Variants in KIF21A observed in about 807,000 individuals in gnomAD.
The protein encoded by KIF21A is kinesin-like protein KIF21A.
Under a neutral mutation model 202.9 loss-of-function variants are expected in KIF21A, and 114 were observed. That is an observed-to-expected ratio of 0.56 (90% confidence interval 0.48 to 0.66). The LOEUF is 0.66. Ranked by LOEUF, KIF21A falls within the 30% of genes least tolerant of loss-of-function variation. The pLI, the probability that KIF21A is intolerant of heterozygous loss-of-function variation, is 0.00. For missense variants in KIF21A, 1,677 were observed against 1,994.9 expected (o/e 0.84, Z 3.04); for synonymous variants, 667 against 670.8 (o/e 0.99, Z 0.09).
At chr12:39,328,395 GGA>G (rs996308058) in intron 24 of KIF21A, among the ~76,000 whole-genome samples, 8 of 152,054 alleles carry the variant, frequency 5.3e-5, no homozygotes, top group Non-Finnish European at 1.2e-4. Context: ...CTTATCGTAG[GGA>G]GAGAGATACA....
chr12:39,332,703 A>G lies in KIF21A; in HGVS notation c.2744T>C (p.Ile915Thr), dbSNP rs886049344. Reference sequence around the variant, plus strand: ...CCACTTCATGCGAGCTGTCTTGGAAATAAACACTCGGCCAGTCAATCCTTT... The same window carrying G: ...CCACTTCATGCGAGCTGTCTTGGAAGTAAACACTCGGCCAGTCAATCCTTT... Reference protein sequence around the residue: ...QRKGLTGRVFISKTARMKWQL... With the variant: ...QRKGLTGRVFTSKTARMKWQL... The change falls in exon 20 of 38, where the codon ATT becomes ACT. Residue 915 changes from isoleucine to threonine, a missense_variant. Around this residue, in one of 3 missense-constraint regions of KIF21A, gnomAD observed 966 missense variants for 1,180.9 expected, o/e 0.82. Coordinates refer to ENST00000361418, the MANE Select transcript of KIF21A (RefSeq NM_001173464.2). 18 of 1,614,038 alleles carry G rather than the reference A, an allele frequency of 1.1e-5. No individual in the cohort carries two copies. The highest frequency in any genetic ancestry group is 1.4e-5 in the Non-Finnish European group (16 of 1,180,028).
At chr12:39,331,637 A>G in intron 22 of KIF21A, 53 bp downstream of exon 22, 1 of 1,136,620 alleles carries the variant, frequency 8.8e-7, no homozygotes. Context: ...AAATAAAACT[A>G]CAATGAATTA....
chr12:39,379,775 C>CAGTGGCTA (rs1349608400), intron 1 of KIF21A, among the ~76,000 whole-genome samples: 2 of 152,220 alleles, frequency 1.3e-5, no homozygotes, highest in Non-Finnish European at 2.9e-5. Flanking sequence ...ACTTCTTATA[C>CAGTGGCTA]CATAGCCAGT....
At chr12:39,363,852 T>C (rs1949419349) in intron 6 of KIF21A, among the ~76,000 whole-genome samples, 1 of 152,150 alleles carries the variant, frequency 6.6e-6, no homozygotes, top group South Asian at 2.1e-4. Context: ...ACCCCATCTC[T>C]ACTGAAAATA....
intron 1 of KIF21A, among the ~76,000 whole-genome samples, chr12:39,372,794 T>G (rs1024673604): frequency 2.6e-5 from 4 of 152,144 alleles, no homozygotes; most frequent in Non-Finnish European, 5.9e-5. Flanking sequence ...TCCTACCACA[T>G]TACTTTTTAC....
intron 1 of KIF21A, among the ~76,000 whole-genome samples, chr12:39,397,584 C>T (rs573768514): frequency 6.6e-6 from 1 of 152,228 alleles, no homozygotes; most frequent in Non-Finnish European, 1.5e-5. Flanking sequence ...GTAGTACTGA[C>T]ATATTCCTAT....
At chr12:39,436,820 T>C (rs1329279173) in intron 1 of KIF21A, among the ~76,000 whole-genome samples, 1 of 152,090 alleles carries the variant, frequency 6.6e-6, no homozygotes, top group Admixed American at 6.6e-5. Context: ...AGTTAATCCA[T>C]TGGGAAACCA....
In KIF21A at chr12:39,370,164, C is replaced by T. The variant is rs1181921264; in HGVS notation, c.142G>A (p.Ala48Thr). 6.2e-7 allele frequency: 1 copy of T among 1,613,490 alleles called. No individual in the cohort carries two copies. The highest frequency in any genetic ancestry group is 1.7e-5 in the Admixed American group (1 of 59,974). ...TCAAATACATAGTCAAAAGTAAAAG[C>T]CTTATCTTTCCCTAGGAAGACCTGA... Reference protein sequence around the residue: ...EPQVFLGKDKAFTFDYVFDID... With the variant: ...EPQVFLGKDKTFTFDYVFDID... Residue 48 changes from alanine to threonine, a missense_variant, in exon 2 of 38, where the codon GCT (alanine) becomes ACT (threonine). Coordinates refer to ENST00000361418, the MANE Select transcript of KIF21A (RefSeq NM_001173464.2).
chr12:39,438,967 C>G lies in KIF21A; in HGVS notation c.44+3960G>C, dbSNP rs1325591585. Among the ~76,000 whole-genome samples the G allele has an allele frequency of 2.0e-5, 3 of 152,114 alleles. No individual in the cohort carries two copies. The East Asian group carries it at 5.8e-4, about 29-fold the overall frequency. On this transcript the variant is annotated intron_variant, in intron 1 of 37. Coordinates refer to ENST00000361418, the MANE Select transcript of KIF21A (RefSeq NM_001173464.2). Reference sequence around the variant, plus strand: ...AGATTCTACATTGTACTTTATTGTTCATTTTTGTTGGCGACATCTATCTAA... The same window carrying G: ...AGATTCTACATTGTACTTTATTGTTGATTTTTGTTGGCGACATCTATCTAA...
At chr12:39,424,014 G>T (rs11834263) in intron 1 of KIF21A, among the ~76,000 whole-genome samples, 63 of 137,036 alleles carry the variant, frequency 4.6e-4, no homozygotes, top group African/African-American at 1.7e-3. Flanking sequence ...AAAAAAAAAG[G>T]CAGTCAGAAG....
chr12:39,372,597 T>C (rs183601649), intron 1 of KIF21A, among the ~76,000 whole-genome samples: 8 of 152,304 alleles, frequency 5.3e-5, no homozygotes, highest in Admixed American at 3.9e-4. Context: ...GGAAATCATA[T>C]TGTGTACTGT....
chr12:39,297,615 T>C lies in KIF21A; in HGVS notation c.4932-3098A>G, dbSNP rs1027391658. Reference sequence around the variant, plus strand: ...GGTGGGGGGGTGGGGAGGGATAGCATTGGGAGATATACCTAATGCTAGATG... The same window carrying C: ...GGTGGGGGGGTGGGGAGGGATAGCACTGGGAGATATACCTAATGCTAGATG... On this transcript the variant is annotated intron_variant, in intron 37 of 37. Transcript: ENST00000361418. Among the ~76,000 whole-genome samples, 7 of 149,552 alleles carry C rather than the reference T, an allele frequency of 4.7e-5. 1 individual carries two copies. The highest frequency in any genetic ancestry group is 2.0e-4 in the Admixed American group (3 of 14,994).
intron 11 of KIF21A, among the ~76,000 whole-genome samples, chr12:39,346,820 T>A (rs548457519): frequency 6.6e-6 from 1 of 151,900 alleles, no homozygotes; most frequent in Non-Finnish European, 1.5e-5. Context: ...GATGCCTTTT[T>A]TTTAGTCTGA....
intron 1 of KIF21A, among the ~76,000 whole-genome samples, chr12:39,383,997 A>T (rs1039124626): frequency 1.3e-5 from 2 of 152,262 alleles, no homozygotes; most frequent in Middle Eastern, 3.4e-3. Flanking sequence ...TCAGGTGATG[A>T]TGCTGATGCT....
At chr12:39,351,648 T>G in intron 11 of KIF21A, 129 bp downstream of exon 11, 1 of 619,958 alleles carries the variant, frequency 1.6e-6, no homozygotes, top group Admixed American at 3.1e-5. Flanking sequence ...AGTTGTAGTT[T>G]CAGCTAACAT....
chr12:39,433,238 C>T (rs974831613), intron 1 of KIF21A, among the ~76,000 whole-genome samples: 1 of 152,008 alleles, frequency 6.6e-6, no homozygotes, highest in Non-Finnish European at 1.5e-5. Flanking sequence ...GACAAGCTTA[C>T]AAGATATACT....
Position 39,309,658 on chromosome 12 carries a change from A to T in KIF21A, c.4205T>A (p.Val1402Asp). 6.2e-7 allele frequency: 1 copy of T among 1,613,352 alleles called. No homozygotes were observed. The highest frequency in any genetic ancestry group is 1.1e-5 in the South Asian group (1 of 91,070). The stretch of plus-strand genomic sequence containing the variant: ...AATATAAGATGTTGATACAGTGAAG[A>T]CCAAACTGGTATAATTACAGTATTT... ...SVKYCNYTSL[V>D]FTVSTSYIKV... The change falls in exon 33 of 38, where the codon GTC (valine) becomes GAC (aspartate). Residue 1402 changes from valine (V) to aspartate (D), a missense_variant. Physicochemically the swap from Val to Asp is radical, Grantham distance 152. Coordinates refer to ENST00000361418, the MANE Select transcript of KIF21A (RefSeq NM_001173464.2).
At chr12:39,344,442 C>T (rs2138484395) in intron 12 of KIF21A, among the ~76,000 whole-genome samples, 1 of 152,304 alleles carries the variant, frequency 6.6e-6, no homozygotes, top group African/African-American at 2.4e-5. Flanking sequence ...TCACCTGTGA[C>T]TGCTACAGAA....
Position 39,351,777 on chromosome 12 carries a change from CT to C in KIF21A, c.1672del (p.Arg558GlyfsTer42). The part of the protein sequence containing the change: ...LKRKEKRKKK[R>X]LQKLEESNRE... ...TTTAGTGGTGATTTTATAATCCCAC[CT>C]TTTTTTCTTCCTCTTTTCTTTTCTT... On this transcript the variant is annotated frameshift_variant and splice_region_variant, in exon 11 of 38. Coordinates refer to ENST00000361418, the MANE Select transcript of KIF21A (RefSeq NM_001173464.2). LOFTEE classifies it high-confidence loss of function. 6 of 1,531,602 alleles carry C rather than the reference CT, an allele frequency of 3.9e-6. No homozygotes were observed. The highest frequency in any genetic ancestry group is 3.4e-5 in the Admixed American group (2 of 59,420). The allele number at this position is 1,531,602 out of a possible 1,614,324, so 94.9% of individuals were successfully genotyped here. A position where few individuals can be genotyped will look rare whatever the true frequency, so the allele number is the denominator to read the frequency against.
Sources: allele counts gnomAD v4.1 joint callset (sites outside exome capture counted in the v4.1 genomes callset), GRCh38; gene constraint gnomAD v4.1.1; regional missense constraint gnomAD v4.1.1; transcripts MANE v1.5; gene names NCBI Gene and HGNC (gene_info 2026-07-23, HGNC 2026-07-21).